The following NSD2 variants were observed in gnomAD, a reference collection of about 807,000 sequenced individuals.
NSD2 encodes the protein nuclear receptor binding SET domain protein 2.
In NSD2, 12 loss-of-function variants were observed where a neutral mutation model predicts 139.0. The observed-to-expected ratio is 0.09, with a 90% CI of 0.06 to 0.14. NSD2 has a LOEUF of 0.14. Among genes scored for constraint, NSD2 ranks in the 10% least tolerant of loss-of-function variants. The pLI is 1.00. For missense variants in NSD2, 1,155 were observed against 1,745.0 expected, an observed-to-expected ratio of 0.66 and a Z score of 6.02; for synonymous variants, 669 against 648.7, an observed-to-expected ratio of 1.03 and a Z score of -0.48.
rs750333708 is a variant in NSD2, at chr4:1,916,951, C to A, written c.841C>A (p.Leu281Ile). ...AAGAGCTTGGATATTTGAGAAGAGC[C>A]TCGTAGCTTTTGAAGGAGAAGGACA... ...PERAWIFEKSLVAFEGEGQFE... is the reference protein window; with the variant it reads ...PERAWIFEKSIVAFEGEGQFE... Residue 281 changes from leucine (L) to isoleucine (I), a missense_variant, in exon 4 of 22, where the codon CTC becomes ATC. Physicochemically the swap from Leu to Ile is conservative, Grantham distance 5. Transcript: ENST00000508803. 8 of 1,614,102 alleles carry A rather than the reference C, an allele frequency of 5.0e-6. No homozygotes were observed. The highest frequency in any genetic ancestry group is 6.8e-6 in the Non-Finnish European group (8 of 1,180,012).
chr4:1,871,928 T>TGCCCG (rs1315458811), intron 1 of NSD2, among the ~76,000 whole-genome samples: 1 of 146,622 alleles, frequency 6.8e-6, no homozygotes, highest in East Asian at 2.0e-4. Flanking sequence ...GCTGCACCTG[T>TGCCCG]GCCCGGCCCG....
At position 1,918,121 on chromosome 4, in the gene NSD2, G is replaced by GTC. The variant is rs746561982; in HGVS notation, c.928-16_928-15dup. 12 of 1,598,506 alleles carry GTC rather than the reference G, an allele frequency of 7.5e-6. No individual in the cohort carries two copies. The South Asian group carries it at 1.4e-4, about 18-fold the overall frequency. ...ATGTTTGTGTAGTGAAACTTACAGT[G>GTC]TCTCTTTTTTTTTTCCCAGCTATTG... On this transcript the variant is annotated intron_variant, in intron 4 of 21. Transcript: ENST00000508803.
rs371574308 is a variant in NSD2, at chr4:1,935,235, C to G, written c.1647C>G (p.Leu549=). 1 of 1,613,304 alleles carries G rather than the reference C, an allele frequency of 6.2e-7. No individual in the cohort carries two copies. Among genetic ancestry groups the G allele is most frequent in the Admixed American group, 1.7e-5 (1 of 59,966 alleles). The change falls in exon 7 of 22, where the codon CTC becomes CTG. Residue 549 remains leucine (L), a synonymous_variant. Transcript: ENST00000508803. ...CTGAGGACACACCCAGGAAAAGACT[C>G]AGGACGGACAAGCACAGTCTTCGGA... ...AEAEDTPRKR[L]RTDKHSLRKR...
chr4:1,880,970 G>A (rs917969091), intron 1 of NSD2, among the ~76,000 whole-genome samples: 1 of 152,172 alleles, frequency 6.6e-6, no homozygotes, highest in African/African-American at 2.4e-5. Context: ...TAGTGGGTTT[G>A]TTATGTTTAG....
At chr4:1,882,937 C>T (rs1714812113) in intron 1 of NSD2, among the ~76,000 whole-genome samples, 1 of 152,142 alleles carries the variant, frequency 6.6e-6, no homozygotes, top group Non-Finnish European at 1.5e-5. Flanking sequence ...GTCTGAATTT[C>T]CTGACTGATA....
At chr4:1,911,218 C>G (rs1469520162) in intron 3 of NSD2, among the ~76,000 whole-genome samples, 2 of 152,098 alleles carry the variant, frequency 1.3e-5, no homozygotes, top group African/African-American at 4.8e-5. Flanking sequence ...GCCAGGTTCT[C>G]TTCGAAGGGG....
At chr4:1,953,659 G>A (rs1724514048) in intron 12 of NSD2, 135 bp downstream of exon 12, 10 of 1,148,054 alleles carry the variant, frequency 8.7e-6, no homozygotes, top group Admixed American at 8.0e-5. Flanking sequence ...ACTGGACATC[G>A]GCTGGGTTGG....
rs1031912681 is a variant in NSD2, at chr4:1,974,837, A to C, written c.3373-26A>C. 8 of 1,612,994 alleles carry C rather than the reference A, an allele frequency of 5.0e-6. No individual in the cohort carries two copies. The highest frequency in any genetic ancestry group is 6.8e-6 in the Non-Finnish European group (8 of 1,179,038). ...AATAACATGCGATTGCTAACACTTG[A>C]CCGAATATATCACTTGACCTTACAG... is the stretch of plus-strand genomic sequence containing the variant. On this transcript the variant is annotated intron_variant, in intron 18 of 21. Coordinates refer to ENST00000508803, the MANE Select transcript of NSD2 (RefSeq NM_001042424.3). This position sits in a 1 kb window ranked among gnomAD's most constrained non-coding sequence, Gnocchi z 4.0.
intron 1 of NSD2, among the ~76,000 whole-genome samples, chr4:1,877,029 C>A (rs1431878182): frequency 6.6e-6 from 1 of 151,438 alleles, no homozygotes; most frequent in African/African-American, 2.4e-5. Flanking sequence ...CCCAGCTACT[C>A]GGGAGGCTGA....
At chr4:1,934,667 G>T (rs1402836317) in intron 6 of NSD2, among the ~76,000 whole-genome samples, 2 of 148,700 alleles carry the variant, frequency 1.3e-5, no homozygotes, top group Non-Finnish European at 3.0e-5. Flanking sequence ...GACCAACATG[G>T]TGAAAACCCA....
At chr4:1,931,190 A>G (rs547024678) in intron 6 of NSD2, among the ~76,000 whole-genome samples, 3 of 152,212 alleles carry the variant, frequency 2.0e-5, no homozygotes, top group South Asian at 4.1e-4. Context: ...TCTGAGAGCA[A>G]TCCTCCTGGT....
chr4:1,919,831 G>C (rs959196456), intron 5 of NSD2, among the ~76,000 whole-genome samples: 14 of 152,192 alleles, frequency 9.2e-5, no homozygotes, highest in African/African-American at 3.1e-4. Context: ...AGCTTCTCAG[G>C]AGGCTGAGGC....
rs1727459268 is a variant in NSD2 at position 1,978,995 on chromosome 4, G to C, written c.*86G>C. On this transcript the variant is annotated 3_prime_UTR_variant, in exon 22 of 22. Coordinates refer to ENST00000508803, the MANE Select transcript of NSD2 (RefSeq NM_001042424.3). ...GAGAGGGCGAGCATGAACTGGCCCGGAGGACCCAGCTCGAGCCGCCAGGAC... is the reference window on the plus strand; with the variant it reads ...GAGAGGGCGAGCATGAACTGGCCCGCAGGACCCAGCTCGAGCCGCCAGGAC... 7.0e-7 allele frequency: 1 copy of C among 1,422,684 alleles called. No individual in the cohort carries two copies. Among genetic ancestry groups the C allele is most frequent in the Non-Finnish European group, 9.2e-7 (1 of 1,086,484 alleles). 88.1% of individuals were successfully genotyped at this position (1,422,684 alleles called of 1,614,324 possible). A position where few individuals can be genotyped will look rare whatever the true frequency, so the allele number is the denominator to read the frequency against.
At chr4:1,969,541 TA>T (rs35256815) in intron 18 of NSD2, among the ~76,000 whole-genome samples, 6,153 of 132,398 alleles carry the variant, frequency 0.046, 265 homozygotes, top group African/African-American at 0.12. Flanking sequence ...TTGTCTCTAC[TA>T]AAAAAAAAAA....
chr4:1,956,330 C>A lies in NSD2; in HGVS notation c.2881+142C>A. 2 of 720,484 alleles carry A rather than the reference C, an allele frequency of 2.8e-6. No individual in the cohort carries two copies. Among genetic ancestry groups the A allele is most frequent in the Non-Finnish European group, 4.2e-6 (2 of 474,600 alleles). 44.6% of individuals were successfully genotyped at this position (720,484 alleles called of 1,614,324 possible). On this transcript the variant is annotated intron_variant, in intron 15 of 21. Coordinates refer to ENST00000508803, the MANE Select transcript of NSD2 (RefSeq NM_001042424.3). The surrounding 1 kb of genome is among the most constrained non-coding windows in gnomAD (Gnocchi z 5.3). ...TTTTTTTAAATTAGGAAAATGTTTG[C>A]AGTCTGGTTTATTTGTTGAGCATAG... is the stretch of plus-strand genomic sequence containing the variant.
At position 1,900,714 on chromosome 4, in the gene NSD2, G is replaced by C. The variant is rs765662635; in HGVS notation, c.60G>C (p.Lys20Asn). 1.2e-6 allele frequency: 2 copies of C among 1,613,806 alleles called. No individual in the cohort carries two copies. Among genetic ancestry groups the C allele is most frequent in the Admixed American group, 3.3e-5 (2 of 59,966 alleles). Residue 20 changes from lysine (K) to asparagine (N), a missense_variant, in exon 2 of 22, where the codon AAG (lysine) becomes AAC (asparagine). Physicochemically the swap from Lys to Asn is moderately conservative, Grantham distance 94. This residue lies in a region of NSD2 where 246 missense variants were observed against 262.8 expected (regional missense o/e 0.94). Transcript: ENST00000508803. The stretch of plus-strand genomic sequence containing the variant: ...TTCAGAGTGTTGTAAAGTGCATAAA[G>C]ATGAAGCAGGCACCAGAAATCCTCG... The part of the protein sequence containing the change: ...LSVQSVVKCI[K>N]MKQAPEILGS...
Position 1,891,202 on chromosome 4 carries a change from A to G in NSD2, c.-29-9424A>G, listed in dbSNP as rs561297340. On this transcript the variant is annotated intron_variant, in intron 1 of 21. Coordinates refer to ENST00000508803, the MANE Select transcript of NSD2 (RefSeq NM_001042424.3). ...AGCCACTGTGCCCCGCCTACGTGGAATTGTTTTATATGAGAACAGAGGTTC... is the reference window on the plus strand; with the variant it reads ...AGCCACTGTGCCCCGCCTACGTGGAGTTGTTTTATATGAGAACAGAGGTTC... 2.0e-5 allele frequency among the ~76,000 whole-genome samples: 3 copies of G among 152,274 alleles called. No homozygotes were observed. The East Asian group carries it at 5.8e-4, about 29-fold the overall frequency.
At chr4:1,946,161 A>G in intron 9 of NSD2, 2 of 1,024,272 alleles carry the variant, frequency 2.0e-6, no homozygotes, top group Non-Finnish European at 2.3e-6. Context: ...TGCCAGAGAA[A>G]CTGAGGTAAC....
At position 1,952,832 on chromosome 4, in the gene NSD2, G is replaced by A. The variant is rs182383701; in HGVS notation, c.2138-492G>A. The A allele has an allele frequency of 1.3e-5, 16 of 1,219,188 alleles. No individual in the cohort carries two copies. The Admixed American group carries it at 3.6e-4, about 27-fold the overall frequency. The allele number at this position is 1,219,188 out of a possible 1,614,324, so 75.5% of individuals were successfully genotyped here. On this transcript the variant is annotated intron_variant, in intron 11 of 21. Coordinates refer to ENST00000508803, the MANE Select transcript of NSD2 (RefSeq NM_001042424.3). ...CCGTGGCCCTTCCTGCCTACTCACC[G>A]GGCCCAAGGAGTCTCCTATCTCACG...
Sources: gnomAD v4.1 joint callset for allele counts (sites outside exome capture counted in the v4.1 genomes callset) on GRCh38, gnomAD v4.1.1 for gene constraint, gnomAD v4.1.1 regional missense constraint, Gnocchi (gnomAD v3.1) non-coding constraint, MANE v1.5 for transcripts, NCBI Gene and HGNC (gene_info 2026-07-23, HGNC 2026-07-21) for gene names.